Variants in PCDH11X observed in about 807,000 individuals in gnomAD.
The protein encoded by PCDH11X is protocadherin 11 X-linked.
In PCDH11X, 18 loss-of-function variants were observed where a neutral mutation model predicts 53.3. The ratio of observed to expected loss-of-function variants is 0.34; its 90% CI spans 0.23 to 0.50. The LOEUF is 0.50. Among genes scored for constraint, PCDH11X ranks in the 20% least tolerant of loss-of-function variants. The pLI is 0.98. For missense variants in PCDH11X, 570 were observed against 1,032.4 expected, an observed-to-expected ratio of 0.55 and a Z score of 6.14; for synonymous variants, 279 against 393.3, an observed-to-expected ratio of 0.71 and a Z score of 3.44.
chrX:92,150,871 A>G (rs763823011), intron 6 of PCDH11X, among the ~76,000 whole-genome samples: 11 of 110,595 alleles, frequency 9.9e-5, no homozygotes, highest in Middle Eastern at 4.7e-3. Flanking sequence ...ACAACCTTAT[A>G]TCACCTAATC....
At chrX:92,167,092 C>A (rs908041542) in intron 6 of PCDH11X, among the ~76,000 whole-genome samples, 1 of 109,255 alleles carries the variant, frequency 9.2e-6, no homozygotes, top group Non-Finnish European at 1.9e-5. Context: ...AATGTACTAT[C>A]CTCAATTATA....
Position 91,974,187 on chromosome X carries a change from T to G in PCDH11X, c.3033+94914T>G, listed in dbSNP as rs772559129. ...ATGATTTATTTTTATTAATTGTAGATAAATCTCACCATTATCTATACATGA... is the reference window on the plus strand; with the variant it reads ...ATGATTTATTTTTATTAATTGTAGAGAAATCTCACCATTATCTATACATGA... On this transcript the variant is annotated intron_variant, in intron 6 of 10. Coordinates refer to ENST00000682573, the MANE Select transcript of PCDH11X (RefSeq NM_032968.5). Among the ~76,000 whole-genome samples, 149 of 111,457 alleles carry G rather than the reference T, an allele frequency of 1.3e-3. 1 individual carries two copies. Among genetic ancestry groups the G allele is most frequent in the African/African-American group, 4.7e-3 (145 of 30,730 alleles).
intron 9 of PCDH11X, among the ~76,000 whole-genome samples, chrX:92,414,981 CTTAA>C (rs1356032935): frequency 9.1e-6 from 1 of 110,470 alleles, no homozygotes; most frequent in Non-Finnish European, 1.9e-5. Context: ...GTGTATACTT[CTTAA>C]TTTATTTTAG....
intron 6 of PCDH11X, among the ~76,000 whole-genome samples, chrX:91,971,907 G>T (rs745518890): frequency 9.0e-6 from 1 of 111,432 alleles, no homozygotes; most frequent in Non-Finnish European, 1.9e-5. Context: ...GTGGTTGCCA[G>T]CATTTGAGAG....
chrX:92,052,033 A>G (rs955317161), intron 6 of PCDH11X, among the ~76,000 whole-genome samples: 1 of 109,764 alleles, frequency 9.1e-6, no homozygotes, highest in African/African-American at 3.3e-5. Context: ...AGAAGTAACA[A>G]AAAGGTAAAA....
chrX:92,443,484 C>T (rs1175353391), intron 9 of PCDH11X, among the ~76,000 whole-genome samples: 1 of 111,078 alleles, frequency 9.0e-6, no homozygotes, highest in East Asian at 2.8e-4. Flanking sequence ...TTTGTTTTTC[C>T]TCTGCTGATA....
At chrX:91,822,916 T>C (rs1936749563) in intron 4 of PCDH11X, among the ~76,000 whole-genome samples, 1 of 111,318 alleles carries the variant, frequency 9.0e-6, no homozygotes, top group African/African-American at 3.3e-5. Context: ...TATTTCTGCC[T>C]TGATTTCGTT....
intron 6 of PCDH11X, among the ~76,000 whole-genome samples, chrX:91,907,412 C>CAGAGAGAGAG (rs59848282): frequency 0.014 from 782 of 57,486 alleles, 29 homozygotes; most frequent in African/African-American, 0.055. Context: ...CACACACACA[C>CAGAGAGAGAG]AGAGAGAGAG....
chrX:92,251,114 A>G (rs2148398048), intron 7 of PCDH11X, among the ~76,000 whole-genome samples: 1 of 111,022 alleles, frequency 9.0e-6, no homozygotes, highest in East Asian at 2.8e-4. Context: ...TTTTTAATGC[A>G]CTTTACGAAT....
intron 6 of PCDH11X, among the ~76,000 whole-genome samples, chrX:92,031,948 A>G (rs1395631028): frequency 3.6e-5 from 4 of 111,689 alleles, no homozygotes; most frequent in Non-Finnish European, 7.5e-5. Context: ...TTTTCTCAAG[A>G]TAGCTTTGTT....
intron 8 of PCDH11X, among the ~76,000 whole-genome samples, chrX:92,269,275 C>A (rs1477532659): frequency 9.0e-6 from 1 of 111,526 alleles, no homozygotes; most frequent in Non-Finnish European, 1.9e-5. Context: ...CTGTAGATTA[C>A]CCTTGTAGAA....
intron 8 of PCDH11X, among the ~76,000 whole-genome samples, chrX:92,355,142 A>G (rs6618983): frequency 0.24 from 25,072 of 105,303 alleles, 3,251 homozygotes; most frequent in East Asian, 0.84. Context: ...AAAAGAAATT[A>G]TTAGGCCGGG....
At position 92,314,733 on chromosome X, in the gene PCDH11X, C is replaced by T. The variant is rs532941055; in HGVS notation, c.3144+51590C>T. On this transcript the variant is annotated intron_variant, in intron 8 of 10. Coordinates refer to ENST00000682573, the MANE Select transcript of PCDH11X (RefSeq NM_032968.5). ...AACCACAGTCATATATGTAATCTGT[C>T]GCTGACCAAAACATTGAGCGGCACA... is the stretch of plus-strand genomic sequence containing the variant. 2.6e-4 allele frequency among the ~76,000 whole-genome samples: 29 copies of T among 110,179 alleles called. No individual in the cohort carries two copies. In the South Asian group the frequency reaches 0.011, roughly 42 times the overall value.
chrX:92,148,306 G>A (rs1394848776), intron 6 of PCDH11X, among the ~76,000 whole-genome samples: 1 of 98,364 alleles, frequency 1.0e-5, no homozygotes, highest in Non-Finnish European at 2.0e-5. Flanking sequence ...TGGGCTCACT[G>A]CAACCTCTGC....
rs1308900681 is a variant in PCDH11X at position 92,357,129 on chromosome X, T to A, written c.3145-30606T>A. On this transcript the variant is annotated intron_variant, in intron 8 of 10. Coordinates refer to ENST00000682573, the MANE Select transcript of PCDH11X (RefSeq NM_032968.5). ...TCACCCAAGGCCTCACTTTTTTTTT[T>A]TAAAAAAAAGCCTGATAACTTATAT... 3.0e-3 allele frequency among the ~76,000 whole-genome samples: 290 copies of A among 95,157 alleles called. 6 individuals are homozygous for A. The East Asian group carries it at 0.05, about 17-fold the overall frequency. The allele number at this position is 95,157 out of a possible 115,157, so 82.6% of individuals were successfully genotyped here.
At chrX:92,606,173 G>C (rs1373966842) in intron 10 of PCDH11X, among the ~76,000 whole-genome samples, 1 of 88,498 alleles carries the variant, frequency 1.1e-5, no homozygotes, top group Admixed American at 1.4e-4. Context: ...AGAGGTTGCA[G>C]TGAGCCGGAG....
At chrX:91,966,296 G>A (rs1373621528) in intron 6 of PCDH11X, among the ~76,000 whole-genome samples, 2 of 111,286 alleles carry the variant, frequency 1.8e-5, no homozygotes, top group Non-Finnish European at 3.8e-5. Context: ...TATTGGGTCA[G>A]TTTCAAGAGA....
At chrX:91,970,619 C>T (rs901125390) in intron 6 of PCDH11X, among the ~76,000 whole-genome samples, 1 of 111,614 alleles carries the variant, frequency 9.0e-6, no homozygotes, top group African/African-American at 3.3e-5. Flanking sequence ...TAATACCTCT[C>T]TTACTTGGCT....
intron 6 of PCDH11X, among the ~76,000 whole-genome samples, chrX:92,034,483 A>G (rs74384494): frequency 0.14 from 14,885 of 106,791 alleles, 977 homozygotes; most frequent in Admixed American, 0.28. Context: ...CTACTTTATC[A>G]TTATACTATA....
Sources: allele counts gnomAD v4.1 joint callset (sites outside exome capture counted in the v4.1 genomes callset), GRCh38; gene constraint gnomAD v4.1.1; transcripts MANE v1.5; gene names NCBI Gene and HGNC (gene_info 2026-07-23, HGNC 2026-07-21).